APBA1: variants seen among roughly 807,000 people sequenced by gnomAD.
The protein encoded by APBA1 is amyloid beta precursor protein binding family A member 1.
In APBA1, 55 loss-of-function variants were observed where a neutral mutation model predicts 86.6. The ratio of observed to expected loss-of-function variants is 0.64; its 90% CI spans 0.51 to 0.80. The LOEUF (loss-of-function observed/expected upper bound fraction) is 0.80, where lower values mean the gene tolerates loss of function less well. Among genes scored for constraint, APBA1 ranks in the 30% least tolerant of loss-of-function variants. APBA1 has a pLI of 0.00. For missense variants in APBA1, 1,090 were observed against 1,183.0 expected (o/e 0.92, Z 1.15); for synonymous variants, 511 against 493.9 (o/e 1.03, Z -0.46).
chr9:69,558,593 G>A (rs1836901395), intron 1 of APBA1, among the ~76,000 whole-genome samples: 1 of 149,114 alleles, frequency 6.7e-6, no homozygotes, highest in South Asian at 2.1e-4. Context: ...CACATTATAT[G>A]TATAACTTTT....
chr9:69,465,029 C>G (rs1391571423), intron 5 of APBA1: 1 of 152,244 alleles, frequency 6.6e-6, no homozygotes, highest in Non-Finnish European at 1.5e-5. Flanking sequence ...TGGGGGCAGA[C>G]TGCTGCTTTA....
At chr9:69,657,701 A>T (rs1219823896) in intron 1 of APBA1, among the ~76,000 whole-genome samples, 1 of 152,216 alleles carries the variant, frequency 6.6e-6, no homozygotes, top group African/African-American at 2.4e-5. Context: ...ATATATGCAT[A>T]TGTGTGTATA....
chr9:69,558,080 G>A (rs900383483), intron 1 of APBA1, among the ~76,000 whole-genome samples: 1 of 152,110 alleles, frequency 6.6e-6, no homozygotes, highest in African/African-American at 2.4e-5. Flanking sequence ...TACTTTGAGA[G>A]TTCAAGCTCA....
chr9:69,489,284 T>C (rs1468789173), intron 2 of APBA1, among the ~76,000 whole-genome samples: 3 of 152,064 alleles, frequency 2.0e-5, no homozygotes, highest in East Asian at 1.9e-4. Context: ...AACAGAGATA[T>C]AGACCAATGG....
chr9:69,484,985 T>TC (rs1374194671), intron 2 of APBA1, among the ~76,000 whole-genome samples: 1 of 148,802 alleles, frequency 6.7e-6, no homozygotes, highest in African/African-American at 2.4e-5. Context: ...CTGAAAAACT[T>TC]TTTTTTTTTT....
intron 1 of APBA1, among the ~76,000 whole-genome samples, chr9:69,564,912 C>T (rs532832997): frequency 6.6e-5 from 10 of 152,238 alleles, no homozygotes; most frequent in East Asian, 3.9e-4. Flanking sequence ...AAAGTAGAAA[C>T]GACCCAAATG....
chr9:69,477,270 T>C (rs1470109428), intron 2 of APBA1, among the ~76,000 whole-genome samples: 3 of 151,328 alleles, frequency 2.0e-5, no homozygotes, highest in African/African-American at 7.3e-5. Flanking sequence ...GCGCGCACCG[T>C]GCGCCAGCCG....
rs1159961292 is a variant in APBA1 at position 69,429,777 on chromosome 9, CATAAATATCTCGGAT to C, written c.*1535_*1549del. 1 of 151,696 alleles carries C rather than the reference CATAAATATCTCGGAT, an allele frequency of 6.6e-6. No individual in the cohort carries two copies. Among genetic ancestry groups the C allele is most frequent in the Non-Finnish European group, 1.5e-5 (1 of 67,954 alleles). The allele number at this position is 151,696 out of a possible 1,614,324, so 9.4% of individuals were successfully genotyped here. On this transcript the variant is annotated 3_prime_UTR_variant, in exon 13 of 13. Coordinates refer to ENST00000265381, the MANE Select transcript of APBA1 (RefSeq NM_001163.4). ...TGAGTTCCTATTTCCATAGACACAACATAAATATCTCGGATGCAGAGAACAGGGACTATATTAATT... is the reference window on the plus strand; with the variant it reads ...TGAGTTCCTATTTCCATAGACACAACGCAGAGAACAGGGACTATATTAATT...
intron 1 of APBA1, among the ~76,000 whole-genome samples, chr9:69,628,814 T>G (rs1369490330): frequency 6.6e-6 from 1 of 152,192 alleles, no homozygotes; most frequent in African/African-American, 2.4e-5. Context: ...CTATAAATCA[T>G]GTTTTTGCAA....
intron 2 of APBA1, among the ~76,000 whole-genome samples, chr9:69,482,549 G>T (rs1358472620): frequency 6.6e-6 from 1 of 150,506 alleles, no homozygotes; most frequent in East Asian, 1.9e-4. Flanking sequence ...TTCAACCCTT[G>T]TGGAAGTCAG....
intron 6 of APBA1, among the ~76,000 whole-genome samples, chr9:69,457,647 G>A (rs1460269526): frequency 6.6e-6 from 1 of 152,124 alleles, no homozygotes; most frequent in Admixed American, 6.5e-5. Context: ...CAGTCCTGAA[G>A]CCACCCCATT....
intron 1 of APBA1, among the ~76,000 whole-genome samples, chr9:69,537,789 T>A (rs1461895585): frequency 1.3e-5 from 2 of 152,106 alleles, no homozygotes; most frequent in East Asian, 3.9e-4. Flanking sequence ...TGAGTTGTTT[T>A]TTTTTTAAAC....
At position 69,602,328 on chromosome 9, in the gene APBA1, T is replaced by C. The variant is rs139152006; in HGVS notation, c.-70+69825A>G. Among the ~76,000 whole-genome samples, 1,448 of 152,020 alleles carry C rather than the reference T, an allele frequency of 9.5e-3. 23 individuals are homozygous for C. Among genetic ancestry groups the C allele is most frequent in the African/African-American group, 0.033 (1,375 of 41,440 alleles). ...TGCTCAAGCCTGTAATCCCAGCACT[T>C]TGGGAGGACGAGGCGGGCGGATCAT... is the stretch of plus-strand genomic sequence containing the variant. On this transcript the variant is annotated intron_variant, in intron 1 of 12. Coordinates refer to ENST00000265381, the MANE Select transcript of APBA1 (RefSeq NM_001163.4).
chr9:69,431,507 A>AAGAT lies in APBA1; in HGVS notation c.2443-113_2443-110dup, dbSNP rs1834595442. On this transcript the variant is annotated intron_variant, in intron 12 of 12. Coordinates refer to ENST00000265381, the MANE Select transcript of APBA1 (RefSeq NM_001163.4). ...AGTGCCTCTCCCACAGAGGGCTTTG[A>AAGAT]AGATACTCCCTACCGCCCAGCCACC... The AAGAT allele has an allele frequency of 2.2e-5, 20 of 927,934 alleles. 1 individual carries two copies. The South Asian group carries it at 3.4e-4, about 16-fold the overall frequency. The allele number at this position is 927,934 out of a possible 1,614,324, so 57.5% of individuals were successfully genotyped here.
chr9:69,449,943 T>G, intron 9 of APBA1, 147 bp from the exon 10 acceptor site: 1 of 647,230 alleles, frequency 1.5e-6, no homozygotes, highest in Non-Finnish European at 2.6e-6. Flanking sequence ...CTTCTCAGCA[T>G]TCCGCATATT....
At chr9:69,475,315 T>C (rs1835425972) in intron 3 of APBA1, among the ~76,000 whole-genome samples, 1 of 152,206 alleles carries the variant, frequency 6.6e-6, no homozygotes, top group East Asian at 1.9e-4. Context: ...CTATTTAAGT[T>C]AATTAAAATG....
At chr9:69,629,084 T>G (rs1346280784) in intron 1 of APBA1, among the ~76,000 whole-genome samples, 1 of 152,140 alleles carries the variant, frequency 6.6e-6, no homozygotes, top group African/African-American at 2.4e-5. Flanking sequence ...ATACAAAAGG[T>G]AACTTCAGAA....
intron 1 of APBA1, among the ~76,000 whole-genome samples, chr9:69,654,184 C>T (rs1215988838): frequency 2.7e-5 from 4 of 149,208 alleles, no homozygotes; most frequent in Non-Finnish European, 5.9e-5. Flanking sequence ...AGAAAGATCT[C>T]AAATAAGCAA....
Position 69,570,754 on chromosome 9 carries a change from C to T in APBA1, c.-69-53475G>A, listed in dbSNP as rs1042150002. 3.3e-5 allele frequency among the ~76,000 whole-genome samples: 5 copies of T among 152,258 alleles called. No homozygotes were observed. In the South Asian group the frequency reaches 1.0e-3, roughly 32 times the overall value. Reference sequence around the variant, plus strand: ...TATGGGCTAGATTGTGTATCTCTCTCCCCATATAACATGGTAAGTGCCATA... The same window carrying T: ...TATGGGCTAGATTGTGTATCTCTCTTCCCATATAACATGGTAAGTGCCATA... On this transcript the variant is annotated intron_variant, in intron 1 of 12. Coordinates refer to ENST00000265381, the MANE Select transcript of APBA1 (RefSeq NM_001163.4).
Sources: allele counts gnomAD v4.1 joint callset (sites outside exome capture counted in the v4.1 genomes callset), GRCh38; gene constraint gnomAD v4.1.1; transcripts MANE v1.5; gene names NCBI Gene and HGNC (gene_info 2026-07-23, HGNC 2026-07-21).